MAN2A1: variants seen among roughly 807,000 people sequenced by gnomAD.
MAN2A1 encodes alpha-mannosidase 2.
MAN2A1 carries 76 observed loss-of-function variants against 142.6 expected under a neutral mutation model. The ratio of observed to expected loss-of-function variants is 0.53; its 90% CI spans 0.44 to 0.65. The LOEUF is 0.65. Ranked by LOEUF, MAN2A1 falls within the 30% of genes least tolerant of loss-of-function variation. MAN2A1 has a pLI of 0.00. For missense variants in MAN2A1, 1,311 were observed against 1,365.1 expected, an observed-to-expected ratio of 0.96 and a Z score of 0.62; for synonymous variants, 559 against 473.2, an observed-to-expected ratio of 1.18 and a Z score of -2.35.
At chr5:109,711,168 G>C (rs1208272560) in intron 1 of MAN2A1, among the ~76,000 whole-genome samples, 1 of 152,158 alleles carries the variant, frequency 6.6e-6, no homozygotes, top group African/African-American at 2.4e-5. Flanking sequence ...TGGCATTTTA[G>C]ATTAAGGTAA....
intron 9 of MAN2A1, among the ~76,000 whole-genome samples, chr5:109,782,276 A>G (rs1055833028): frequency 8.5e-5 from 13 of 152,212 alleles, no homozygotes; most frequent in Non-Finnish European, 1.8e-4. Flanking sequence ...AGAACTTTCA[A>G]TCACTGATAG....
chr5:109,866,827 T>G lies in MAN2A1; in HGVS notation c.3283-19T>G. ...TCAAAGTTGATCTAAATATGTAAAT[T>G]TTATCATTTACTTTTCAGATATTGG... On this transcript the variant is annotated intron_variant, in intron 21 of 21. Transcript: ENST00000261483. 1.3e-6 allele frequency: 2 copies of G among 1,539,784 alleles called. No homozygotes were observed. The highest frequency in any genetic ancestry group is 1.8e-6 in the Non-Finnish European group (2 of 1,119,070).
chr5:109,824,719 A>G (rs1339451720), intron 16 of MAN2A1, among the ~76,000 whole-genome samples: 1 of 152,208 alleles, frequency 6.6e-6, no homozygotes, highest in African/African-American at 2.4e-5. Context: ...ATGTATAGGT[A>G]GGCACGGTTT....
chr5:109,787,954 A>G (rs1471028069), intron 10 of MAN2A1, among the ~76,000 whole-genome samples: 1 of 151,930 alleles, frequency 6.6e-6, no homozygotes, highest in Non-Finnish European at 1.5e-5. Context: ...TATTTAATTA[A>G]TAACATTGAT....
intron 16 of MAN2A1, among the ~76,000 whole-genome samples, chr5:109,841,843 T>G (rs976371325): frequency 6.6e-6 from 1 of 152,230 alleles, no homozygotes; most frequent in Non-Finnish European, 1.5e-5. Flanking sequence ...ATCTCCTGTC[T>G]CTTTTCCTAG....
chr5:109,749,527 G>T (rs1752492345), intron 4 of MAN2A1, among the ~76,000 whole-genome samples: 1 of 152,028 alleles, frequency 6.6e-6, no homozygotes, highest in African/African-American at 2.4e-5. Context: ...TTGAAAATTA[G>T]TTCCTGGTTT....
chr5:109,778,057 G>A (rs376072610), intron 8 of MAN2A1, among the ~76,000 whole-genome samples: 1 of 150,170 alleles, frequency 6.7e-6, no homozygotes, highest in East Asian at 1.9e-4. Context: ...TTCTACATAG[G>A]TGTAGGTCAT....
chr5:109,773,281 G>A (rs2301004), intron 7 of MAN2A1, among the ~76,000 whole-genome samples: 52,108 of 151,984 alleles, frequency 0.34, 10,041 homozygotes, highest in African/African-American at 0.53. Flanking sequence ...TAGATGTGAA[G>A]TGTTAAAGGC....
chr5:109,746,184 A>G lies in MAN2A1; in HGVS notation c.708-9145A>G, dbSNP rs1752399559. Reference sequence around the variant, plus strand: ...GAGATGGGGTTTCGCCATGTTGGCCAGGCTGGTCTTGAACTCCTGACCTCA... The same window carrying G: ...GAGATGGGGTTTCGCCATGTTGGCCGGGCTGGTCTTGAACTCCTGACCTCA... On this transcript the variant is annotated intron_variant, in intron 4 of 21. Transcript: ENST00000261483. Among the ~76,000 whole-genome samples the G allele has an allele frequency of 6.6e-5, 10 of 152,272 alleles. No homozygotes were observed. The South Asian group carries it at 2.1e-3, about 32-fold the overall frequency.
At chr5:109,719,802 A>C (rs760183442) in intron 3 of MAN2A1, among the ~76,000 whole-genome samples, 1 of 152,150 alleles carries the variant, frequency 6.6e-6, no homozygotes, top group East Asian at 1.9e-4. Flanking sequence ...TCTCTCAAGA[A>C]AAGGTAAATT....
At chr5:109,818,328 G>C (rs112866071) in intron 13 of MAN2A1, among the ~76,000 whole-genome samples, 2,829 of 152,062 alleles carry the variant, frequency 0.019, 34 homozygotes, top group Middle Eastern at 0.071. Context: ...AGTAGAGAGG[G>C]GGTTTCACCA....
chr5:109,746,989 A>G (rs920406043), intron 4 of MAN2A1, among the ~76,000 whole-genome samples: 2 of 152,214 alleles, frequency 1.3e-5, no homozygotes, highest in African/African-American at 4.8e-5. Context: ...ATGTATTGAA[A>G]GTAGTGACAA....
chr5:109,841,497 C>T (rs1755205873), intron 16 of MAN2A1, among the ~76,000 whole-genome samples: 1 of 152,146 alleles, frequency 6.6e-6, no homozygotes, highest in Non-Finnish European at 1.5e-5. Flanking sequence ...ATCTCATACA[C>T]CCTTGATCTG....
chr5:109,780,095 TCA>T (rs1753413763), intron 8 of MAN2A1, among the ~76,000 whole-genome samples: 1 of 152,168 alleles, frequency 6.6e-6, no homozygotes, highest in Non-Finnish European at 1.5e-5. Flanking sequence ...TCTCGCTCTG[TCA>T]CCCAGGCTGG....
intron 12 of MAN2A1, among the ~76,000 whole-genome samples, chr5:109,805,162 A>G (rs915055211): frequency 1.1e-4 from 16 of 152,190 alleles, no homozygotes; most frequent in Non-Finnish European, 1.6e-4. Flanking sequence ...ACTCAGAGAA[A>G]GCAACTTAAT....
At chr5:109,786,137 GACAC>G (rs1464620302) in intron 10 of MAN2A1, among the ~76,000 whole-genome samples, 1 of 151,988 alleles carries the variant, frequency 6.6e-6, no homozygotes, top group African/African-American at 2.4e-5. Context: ...AAATATATAT[GACAC>G]CCACCTGTCG....
intron 5 of MAN2A1, 74 bp downstream of exon 5, chr5:109,755,530 C>A (rs780823431): frequency 2.7e-5 from 32 of 1,164,226 alleles, no homozygotes; most frequent in Non-Finnish European, 3.7e-5. Context: ...AGGCTCTGTT[C>A]TTTTTTCGAG....
In MAN2A1 at chr5:109,729,848, A is replaced by T. The variant is rs537361709; in HGVS notation, c.707+335A>T. 5.3e-5 allele frequency among the ~76,000 whole-genome samples: 8 copies of T among 152,214 alleles called. No homozygotes were observed. In the East Asian group the frequency reaches 1.4e-3, roughly 26 times the overall value. On this transcript the variant is annotated intron_variant, in intron 4 of 21. Transcript: ENST00000261483. ...TCTCTACTAAAAATACAAAAAAATT[A>T]GCCAGGTGGTGCTCACGCCTGTAAT...
Position 109,791,433 on chromosome 5 carries a change from TTAGCAGG to T in MAN2A1, c.1943+1909_1943+1915del, listed in dbSNP as rs1753734727. Among the ~76,000 whole-genome samples the T allele has an allele frequency of 3.3e-5, 5 of 152,066 alleles. No individual in the cohort carries two copies. The South Asian group carries it at 1.0e-3, about 31-fold the overall frequency. On this transcript the variant is annotated intron_variant, in intron 12 of 21. Coordinates refer to ENST00000261483, the MANE Select transcript of MAN2A1 (RefSeq NM_002372.4). ...AAATGGAAGAATTTGATTGTTTTATTTAGCAGGTACTGAAAGTAAAATAATTGCCCTT... is the reference window on the plus strand; with the variant it reads ...AAATGGAAGAATTTGATTGTTTTATTTACTGAAAGTAAAATAATTGCCCTT...
Sources: gnomAD v4.1 joint callset for allele counts (sites outside exome capture counted in the v4.1 genomes callset) on GRCh38, gnomAD v4.1.1 for gene constraint, MANE v1.5 for transcripts, NCBI Gene and HGNC (gene_info 2026-07-23, HGNC 2026-07-21) for gene names.